PUM1: variants seen among roughly 807,000 people sequenced by gnomAD.
PUM1 encodes pumilio homolog 1.
PUM1 carries 13 observed loss-of-function variants against 131.8 expected under a neutral mutation model. The observed-to-expected ratio is 0.10, with a 90% CI of 0.06 to 0.16. The LOEUF is 0.16. Ranked by LOEUF, PUM1 falls within the 10% of genes least tolerant of loss-of-function variation. PUM1 has a pLI of 1.00. For missense variants in PUM1, 961 were observed against 1,512.4 expected, an observed-to-expected ratio of 0.64 and a Z score of 6.05; for synonymous variants, 509 against 556.5, an observed-to-expected ratio of 0.91 and a Z score of 1.20.
chr1:30,969,560 T>C (rs1023462034), intron 10 of PUM1, among the ~76,000 whole-genome samples: 1 of 152,004 alleles, frequency 6.6e-6, no homozygotes, highest in Non-Finnish European at 1.5e-5. Flanking sequence ...TCTATTTCCC[T>C]CTCAGAAATT....
intron 3 of PUM1, among the ~76,000 whole-genome samples, chr1:31,012,408 T>C (rs1642651940): frequency 6.6e-6 from 1 of 152,046 alleles, no homozygotes; most frequent in Non-Finnish European, 1.5e-5. Flanking sequence ...CCTTGTACTC[T>C]TTCTTGTAAT....
In PUM1 at chr1:31,023,127, T is replaced by G. The variant is rs149406240; in HGVS notation, c.432+5669A>C. Among the ~76,000 whole-genome samples the G allele has an allele frequency of 5.2e-3, 787 of 150,478 alleles. 5 individuals are homozygous for G. Among genetic ancestry groups the G allele is most frequent in the African/African-American group, 0.018 (729 of 40,748 alleles). On this transcript the variant is annotated intron_variant, in intron 3 of 21. Coordinates refer to ENST00000426105, the MANE Select transcript of PUM1 (RefSeq NM_001020658.2). Reference sequence around the variant, plus strand: ...AGGTTGAGGTTGCAGTGAGCTGAGATCGCACCACTGCACTCCAGCGTGGGT... The same window carrying G: ...AGGTTGAGGTTGCAGTGAGCTGAGAGCGCACCACTGCACTCCAGCGTGGGT...
chr1:31,048,631 TG>T (rs1644030199), intron 2 of PUM1, among the ~76,000 whole-genome samples: 1 of 151,526 alleles, frequency 6.6e-6, no homozygotes, highest in Non-Finnish European at 1.5e-5. Context: ...CGTGCCACCA[TG>T]CCCAGCTAAT....
intron 21 of PUM1, among the ~76,000 whole-genome samples, chr1:30,934,562 G>A (rs1480315637): frequency 1.3e-5 from 2 of 152,146 alleles, no homozygotes; most frequent in East Asian, 1.9e-4. Flanking sequence ...CTGGCTGGTG[G>A]CAAACAGTCC....
In PUM1 at chr1:30,931,571, G is replaced by A. The variant is rs1161672416; in HGVS notation, c.*1640C>T. The A allele has an allele frequency of 5.2e-5, 8 of 152,532 alleles. No homozygotes were observed. Among genetic ancestry groups the A allele is most frequent in the African/African-American group, 1.4e-4 (6 of 41,418 alleles). 9.4% of individuals were successfully genotyped at this position (152,532 alleles called of 1,614,324 possible). ...CATTGTTTAGAGACAATCTACACAA[G>A]AGTTACAAAAAATAGTTGCCCAGGC... On this transcript the variant is annotated 3_prime_UTR_variant, in exon 22 of 22. Transcript: ENST00000426105.
At chr1:30,989,571 CAAAAAAAAAA>C (rs1174565063) in intron 7 of PUM1, among the ~76,000 whole-genome samples, 52 of 27,704 alleles carry the variant, frequency 1.9e-3, no homozygotes, top group East Asian at 4.4e-3. Flanking sequence ...GACTCCGTCT[CAAAAAAAAAA>C]AAAAAAAAAA....
chr1:31,047,402 T>C (rs905007749), intron 2 of PUM1, among the ~76,000 whole-genome samples: 7 of 152,204 alleles, frequency 4.6e-5, no homozygotes, highest in Admixed American at 2.6e-4. Context: ...CACTGACTTC[T>C]CTCCTGGCAC....
intron 2 of PUM1, among the ~76,000 whole-genome samples, chr1:31,043,774 A>G (rs1643893593): frequency 6.6e-6 from 1 of 152,186 alleles, no homozygotes; most frequent in South Asian, 2.1e-4. Flanking sequence ...CTTCCTTCAG[A>G]GAGAAAAGAA....
chr1:30,966,480 A>G, intron 12 of PUM1: 1 of 556,494 alleles, frequency 1.8e-6, no homozygotes, highest in Non-Finnish European at 3.1e-6. Flanking sequence ...AAATACCACT[A>G]GAACAAGTTC....
chr1:30,967,959 C>T (rs1245842543), intron 11 of PUM1, among the ~76,000 whole-genome samples: 15 of 152,150 alleles, frequency 9.9e-5, no homozygotes, highest in Admixed American at 9.8e-4. Flanking sequence ...ACCTTAAAAA[C>T]GTAAGGGATG....
At chr1:31,047,983 G>A (rs1426168823) in intron 2 of PUM1, among the ~76,000 whole-genome samples, 12 of 151,812 alleles carry the variant, frequency 7.9e-5, no homozygotes, top group Admixed American at 3.3e-4. Flanking sequence ...GCTCACGCCT[G>A]TAATACCAGC....
At chr1:31,061,573 C>T (rs528039123) in intron 1 of PUM1, 3 of 151,296 alleles carry the variant, frequency 2.0e-5, no homozygotes, top group Non-Finnish European at 4.4e-5. Context: ...GTGCTCCAGC[C>T]GGGCGACAGA....
At chr1:31,010,623 C>A (rs1413713048) in intron 3 of PUM1, among the ~76,000 whole-genome samples, 5 of 152,190 alleles carry the variant, frequency 3.3e-5, no homozygotes, top group Non-Finnish European at 5.9e-5. Context: ...CATTTACACA[C>A]AATTAAGAAC....
intron 3 of PUM1, among the ~76,000 whole-genome samples, chr1:31,026,944 C>CA (rs35459131): frequency 0.1 from 10,956 of 106,444 alleles, 622 homozygotes; most frequent in Non-Finnish European, 0.16. Flanking sequence ...ACATATACCA[C>CA]AAAAAAAAAA....
intron 7 of PUM1, among the ~76,000 whole-genome samples, chr1:30,982,414 A>C (rs1641390339): frequency 6.6e-6 from 1 of 152,212 alleles, no homozygotes. Flanking sequence ...GATGCCAGTA[A>C]CCTAATTTGT....
chr1:31,051,613 A>AT (rs10555480), intron 2 of PUM1, among the ~76,000 whole-genome samples: 2 of 150,096 alleles, frequency 1.3e-5, no homozygotes, highest in Admixed American at 6.7e-5. Flanking sequence ...TCACCCACTG[A>AT]TTTTTTTTTT....
At chr1:30,948,778 T>G (rs1570106063) in intron 17 of PUM1, among the ~76,000 whole-genome samples, 1 of 98,810 alleles carries the variant, frequency 1.0e-5, no homozygotes, top group Admixed American at 8.6e-5. Context: ...AACAAGAAAA[T>G]TAAAGAAGAA....
intron 3 of PUM1, among the ~76,000 whole-genome samples, chr1:31,011,547 T>A (rs1381223228): frequency 6.6e-6 from 1 of 152,218 alleles, no homozygotes; most frequent in African/African-American, 2.4e-5. Context: ...TAGAAACTAC[T>A]GAATTATAAA....
intron 1 of PUM1, among the ~76,000 whole-genome samples, chr1:31,064,717 C>G (rs1644442562): frequency 8.4e-6 from 1 of 118,440 alleles, no homozygotes; most frequent in African/African-American, 3.3e-5. Context: ...AGAATAAAGC[C>G]TTCTCTGGTA....
Sources: gnomAD v4.1 joint callset for allele counts (sites outside exome capture counted in the v4.1 genomes callset) on GRCh38, gnomAD v4.1.1 for gene constraint, MANE v1.5 for transcripts, NCBI Gene and HGNC (gene_info 2026-07-23, HGNC 2026-07-21) for gene names.